Variants in RXFP1 observed in about 807,000 individuals in gnomAD.
RXFP1 encodes relaxin receptor 1.
In RXFP1, 73 loss-of-function variants were observed where a neutral mutation model predicts 89.8. That is an observed-to-expected ratio of 0.81 (90% CI 0.67 to 0.99). RXFP1 has a LOEUF of 0.99. Ranked by LOEUF, RXFP1 falls within the 50% of genes least tolerant of loss-of-function variation. The probability of loss-of-function intolerance (pLI) is 0.00; values close to 1 mark genes in which losing one functional copy is unlikely to be tolerated. For synonymous variants in RXFP1, 277 were observed against 305.5 expected (o/e 0.91, Z 0.97); for missense variants, 793 against 895.5 (o/e 0.89, Z 1.46).
At chr4:158,546,315 T>C (rs1748392878) in intron 1 of RXFP1, among the ~76,000 whole-genome samples, 3 of 152,222 alleles carry the variant, frequency 2.0e-5, no homozygotes, top group Admixed American at 1.3e-4. Flanking sequence ...CCCGAGACTT[T>C]TCTGAAGTTG....
chr4:158,652,103 C>T lies in RXFP1; in HGVS notation c.*48C>T, dbSNP rs1468185894. On this transcript the variant is annotated 3_prime_UTR_variant, in exon 18 of 18. Transcript: ENST00000307765. ...CGCAGAGAATACTGTGGGGGTGCTT[C>T]ATGAGGGATTTACTGGTATGAAATG... The T allele has an allele frequency of 1.4e-6, 2 of 1,478,814 alleles. No individual in the cohort carries two copies. Among genetic ancestry groups the T allele is most frequent in the African/African-American group, 2.8e-5 (2 of 71,144 alleles). 91.6% of individuals were successfully genotyped at this position (1,478,814 alleles called of 1,614,324 possible).
At position 158,597,047 on chromosome 4, in the gene RXFP1, T is replaced by TG. The variant is rs1232625982; in HGVS notation, c.287-2273dup. ...ATCATTGAGAGTTAAAGACAATTTG[T>TG]GGGGGGTAGTGCAGCTAACGACTAA... is the stretch of plus-strand genomic sequence containing the variant. On this transcript the variant is annotated intron_variant, in intron 3 of 17. Coordinates refer to ENST00000307765, the MANE Select transcript of RXFP1 (RefSeq NM_021634.4). 1.4e-4 allele frequency among the ~76,000 whole-genome samples: 22 copies of TG among 152,210 alleles called. No individual in the cohort carries two copies. The East Asian group carries it at 4.2e-3, about 29-fold the overall frequency.
chr4:158,612,229 T>G (rs1763711633), intron 7 of RXFP1, 28 bp downstream of exon 7: 1 of 1,604,932 alleles, frequency 6.2e-7, no homozygotes, highest in East Asian at 2.2e-5. Context: ...GGCATTTTAT[T>G]GCACTAGTTT....
At chr4:158,544,254 C>T (rs1747609602) in intron 1 of RXFP1, 1 of 985,230 alleles carries the variant, frequency 1.0e-6, no homozygotes, top group Non-Finnish European at 1.2e-6. Flanking sequence ...TATTTACATA[C>T]ATCATGTTTG....
At chr4:158,525,274 A>C (rs1742226632) in intron 1 of RXFP1, among the ~76,000 whole-genome samples, 1 of 151,480 alleles carries the variant, frequency 6.6e-6, no homozygotes, top group African/African-American at 2.4e-5. Flanking sequence ...GCATGAGTGC[A>C]ATTTGGTACA....
chr4:158,570,665 A>C (rs1448586136), intron 1 of RXFP1, among the ~76,000 whole-genome samples: 2 of 151,084 alleles, frequency 1.3e-5, no homozygotes, highest in East Asian at 1.9e-4. Context: ...TTTCCCTCCT[A>C]CCCTCCCCTC....
At chr4:158,550,031 C>T in intron 1 of RXFP1, among the ~76,000 whole-genome samples, 1 of 152,206 alleles carries the variant, frequency 6.6e-6, no homozygotes, top group East Asian at 1.9e-4. Context: ...TTTTGTTTGT[C>T]TGTGCCCTGC....
chr4:158,604,925 T>C (rs1762305267), intron 4 of RXFP1, 143 bp from the exon 5 acceptor site: 4 of 466,344 alleles, frequency 8.6e-6, no homozygotes, highest in African/African-American at 2.0e-5. Flanking sequence ...TCAAGTGATA[T>C]GATAAATATG....
chr4:158,647,286 T>C (rs1458062770), intron 16 of RXFP1, 85 bp downstream of exon 16: 2 of 1,075,486 alleles, frequency 1.9e-6, no homozygotes, highest in Non-Finnish European at 2.6e-6. Context: ...GGGTGAATTC[T>C]ATCAGAATCC....
chr4:158,581,874 C>T (rs1757430806), intron 2 of RXFP1, among the ~76,000 whole-genome samples: 1 of 152,178 alleles, frequency 6.6e-6, no homozygotes, highest in South Asian at 2.1e-4. Flanking sequence ...AGCATCTGCT[C>T]AGCTTCTGAT....
chr4:158,549,980 T>A (rs923602806), intron 1 of RXFP1, among the ~76,000 whole-genome samples: 2 of 152,238 alleles, frequency 1.3e-5, no homozygotes, highest in African/African-American at 4.8e-5. Context: ...TTCAAAGCTG[T>A]CAGACAGGGA....
intron 2 of RXFP1, among the ~76,000 whole-genome samples, chr4:158,589,454 C>T (rs1758966755): frequency 6.6e-6 from 1 of 152,104 alleles, no homozygotes. Flanking sequence ...TTCTCTAAGT[C>T]CAATTTGTGT....
At chr4:158,595,228 C>G (rs1760306382) in intron 3 of RXFP1, among the ~76,000 whole-genome samples, 1 of 152,190 alleles carries the variant, frequency 6.6e-6, no homozygotes, top group Non-Finnish European at 1.5e-5. Context: ...CAACTTATAT[C>G]ACTCCCACCT....
chr4:158,568,294 T>C (rs1754199474), intron 1 of RXFP1, among the ~76,000 whole-genome samples: 1 of 152,152 alleles, frequency 6.6e-6, no homozygotes, highest in Non-Finnish European at 1.5e-5. Flanking sequence ...CACAATACAA[T>C]CATTGAGGAG....
At position 158,546,969 on chromosome 4, in the gene RXFP1, G is replaced by C. The variant is rs541585849; in HGVS notation, c.49+24944G>C. ...CAGGATGATGCTGGCCTCATAAAAT[G>C]AGTTAGGGAGGATTCCCTCTTTTTC... On this transcript the variant is annotated intron_variant, in intron 1 of 17. Coordinates refer to ENST00000307765, the MANE Select transcript of RXFP1 (RefSeq NM_021634.4). Among the ~76,000 whole-genome samples, 473 of 152,162 alleles carry C rather than the reference G, an allele frequency of 3.1e-3. 3 individuals carry two copies. Among genetic ancestry groups the C allele is most frequent in the Non-Finnish European group, 5.3e-3 (363 of 67,996 alleles).
At chr4:158,616,278 A>G (rs1429803227) in intron 8 of RXFP1, among the ~76,000 whole-genome samples, 1 of 151,908 alleles carries the variant, frequency 6.6e-6, no homozygotes, top group African/African-American at 2.4e-5. Context: ...AAAAAGAAAA[A>G]AATAGCCGGG....
chr4:158,558,810 T>C (rs1240652428), intron 1 of RXFP1, among the ~76,000 whole-genome samples: 3 of 152,100 alleles, frequency 2.0e-5, no homozygotes, highest in South Asian at 2.1e-4. Flanking sequence ...AAGAGTGTAA[T>C]TGAAGAAGCA....
chr4:158,572,696 A>C lies in RXFP1; in HGVS notation c.50-2A>C. 17 of 1,614,098 alleles carry C rather than the reference A, an allele frequency of 1.1e-5. No homozygotes were observed. The highest frequency in any genetic ancestry group is 1.4e-5 in the Non-Finnish European group (16 of 1,179,964). ...CTTTGTGTCTTCTCCCCTTTTCCTCAGTTTCTCATGGGGGTGGACAGGATG... is the reference window on the plus strand; with the variant it reads ...CTTTGTGTCTTCTCCCCTTTTCCTCCGTTTCTCATGGGGGTGGACAGGATG... On this transcript the variant is annotated splice_acceptor_variant, in intron 1 of 17. Coordinates refer to ENST00000307765, the MANE Select transcript of RXFP1 (RefSeq NM_021634.4). LOFTEE classifies it high-confidence loss of function.
chr4:158,598,182 TC>T, intron 3 of RXFP1, among the ~76,000 whole-genome samples: 2 of 152,314 alleles, frequency 1.3e-5, no homozygotes, highest in Middle Eastern at 6.8e-3. Context: ...AGCAGAAAAC[TC>T]TCATAGACGG....
Sources: allele counts gnomAD v4.1 joint callset (sites outside exome capture counted in the v4.1 genomes callset), GRCh38; gene constraint gnomAD v4.1.1; transcripts MANE v1.5; gene names NCBI Gene and HGNC (gene_info 2026-07-23, HGNC 2026-07-21).